Variants in IKBKB-DT observed in about 807,000 individuals in gnomAD.
IKBKB-DT encodes the protein IKBKB divergent transcript.
intron 3 of IKBKB-DT, among the ~76,000 whole-genome samples, chr8:42,262,288 A>T (rs13271575): frequency 2.0e-5 from 3 of 151,498 alleles, no homozygotes; most frequent in African/African-American, 7.3e-5. Flanking sequence ...ATAATAATAA[A>T]AAAAAAATAA....
At chr8:42,271,014 G>A (rs977524177) in exon 1 of IKBKB-DT, 46 of 222,066 alleles carry the variant, frequency 2.1e-4, no homozygotes, top group Non-Finnish European at 3.6e-4. Flanking sequence ...AGCCTAGGGG[G>A]CCGGGTGAAG....
chr8:42,250,205 G>C (rs1365041250), intron 3 of IKBKB-DT, among the ~76,000 whole-genome samples: 1 of 152,070 alleles, frequency 6.6e-6, no homozygotes, highest in Non-Finnish European at 1.5e-5. Context: ...CTGGTTGGTT[G>C]GTAATGCAAT....
At chr8:42,247,418 C>CT (rs1481711317) in intron 3 of IKBKB-DT, among the ~76,000 whole-genome samples, 1 of 152,192 alleles carries the variant, frequency 6.6e-6, no homozygotes, top group Non-Finnish European at 1.5e-5. Flanking sequence ...AAGTAACTAA[C>CT]TTGCTTTTGA....
chr8:42,241,005 G>A (rs1021777068), intron 3 of IKBKB-DT, among the ~76,000 whole-genome samples: 5 of 152,048 alleles, frequency 3.3e-5, no homozygotes, highest in African/African-American at 4.8e-5. Context: ...TTAGGACACC[G>A]ACAAAATGAA....
At chr8:42,268,573 ATT>A (rs951678473) in intron 1 of IKBKB-DT, among the ~76,000 whole-genome samples, 1 of 130,176 alleles carries the variant, frequency 7.7e-6, no homozygotes, top group Non-Finnish European at 1.7e-5. Context: ...ACCCGGCCAA[ATT>A]TTTTTTTTTG....
intron 3 of IKBKB-DT, among the ~76,000 whole-genome samples, chr8:42,248,882 A>C (rs925643539): frequency 9.9e-5 from 15 of 152,126 alleles, no homozygotes; most frequent in Middle Eastern, 3.4e-3. Flanking sequence ...AAAAAAAAAA[A>C]AAAACAAATA....
chr8:42,255,224 C>T (rs909916828), intron 3 of IKBKB-DT: 3 of 152,242 alleles, frequency 2.0e-5, no homozygotes, highest in Admixed American at 1.3e-4. Context: ...CCAAGTGTGA[C>T]GTGACAGCCT....
intron 3 of IKBKB-DT, among the ~76,000 whole-genome samples, chr8:42,241,601 A>C (rs567539992): frequency 6.6e-6 from 1 of 152,196 alleles, no homozygotes; most frequent in African/African-American, 2.4e-5. Flanking sequence ...ACAGAGGCCA[A>C]CGCTGAGATG....
intron 3 of IKBKB-DT, among the ~76,000 whole-genome samples, chr8:42,261,161 A>G (rs1394221687): frequency 6.6e-6 from 1 of 152,124 alleles, no homozygotes; most frequent in Non-Finnish European, 1.5e-5. Context: ...CCCCACCTCT[A>G]CAAAAAAATA....
In IKBKB-DT at chr8:42,267,040, GC is replaced by G. The variant is rs1209637287; in HGVS notation, n.604-645del. ...TTTTGAGGTGGAGTCTCGCTCTGTC[GC>G]CCAGGTTGGAGTACACTGGCGCGAT... On this transcript the variant is annotated intron_variant and non_coding_transcript_variant, in intron 1 of 3. Transcript: ENST00000518213. Among the ~76,000 whole-genome samples the G allele has an allele frequency of 2.1e-5, 3 of 139,794 alleles. No homozygotes were observed. The East Asian group carries it at 6.2e-4, about 29-fold the overall frequency. 91.7% of individuals were successfully genotyped at this position (139,794 alleles called of 152,430 possible). A position where few individuals can be genotyped will look rare whatever the true frequency, so the allele number is the denominator to read the frequency against.
chr8:42,245,115 C>A (rs1409950139), intron 3 of IKBKB-DT, among the ~76,000 whole-genome samples: 1 of 151,844 alleles, frequency 6.6e-6, no homozygotes, highest in Non-Finnish European at 1.5e-5. Context: ...ATTAGCCAGG[C>A]GTGGTGGCAC....
intron 3 of IKBKB-DT, among the ~76,000 whole-genome samples, chr8:42,244,307 GAGA>G (rs1205911440): frequency 6.6e-6 from 1 of 152,134 alleles, no homozygotes; most frequent in Non-Finnish European, 1.5e-5. Context: ...TCCTATTTGG[GAGA>G]AGAAGATCTT....
At chr8:42,245,939 G>A (rs900646445) in intron 3 of IKBKB-DT, among the ~76,000 whole-genome samples, 1 of 152,172 alleles carries the variant, frequency 6.6e-6, no homozygotes, top group African/African-American at 2.4e-5. Flanking sequence ...TCATAAACAG[G>A]GAAGTGGTTA....
intron 3 of IKBKB-DT, among the ~76,000 whole-genome samples, chr8:42,256,453 T>C (rs1021729239): frequency 1.3e-5 from 2 of 150,618 alleles, no homozygotes; most frequent in Non-Finnish European, 1.5e-5. Flanking sequence ...GCGCCTGTAA[T>C]CCAAGCTACT....
In IKBKB-DT at chr8:42,239,636, T is replaced by TATATATATATATCTATATATATATA. The variant is rs55662464; in HGVS notation, n.1530-5778_1530-5777insTATATATATATAGATATATATATAT. ...AATTTATATATATATATATATATAT[T>TATATATATATATCTATATATATATA]TATTTATTTATTCATTTTTTTTTTT... On this transcript the variant is annotated intron_variant and non_coding_transcript_variant, in intron 3 of 3. Coordinates refer to ENST00000518213, the Ensembl canonical transcript of IKBKB-DT. 7.1e-5 allele frequency among the ~76,000 whole-genome samples: 2 copies of TATATATATATATCTATATATATATA among 28,194 alleles called. 1 individual carries two copies. Among genetic ancestry groups the TATATATATATATCTATATATATATA allele is most frequent in the Non-Finnish European group, 1.4e-4 (2 of 14,152 alleles). 18.5% of individuals were successfully genotyped at this position (28,194 alleles called of 152,430 possible).
rs147869159 is a variant in IKBKB-DT, at chr8:42,247,987, G to T, written n.1530-14128C>A. On this transcript the variant is annotated intron_variant and non_coding_transcript_variant, in intron 3 of 3. Transcript: ENST00000518213. ...GGGCGCCTCTAATCCCAGCTACTCA[G>T]GAGGCTGAGGCAGAAGAATTGCTTG... Among the ~76,000 whole-genome samples, 958 of 152,022 alleles carry T rather than the reference G, an allele frequency of 6.3e-3. 2 individuals are homozygous for T. Among genetic ancestry groups the T allele is most frequent in the Non-Finnish European group, 0.01 (698 of 67,974 alleles).
At chr8:42,239,123 A>G (rs1806965360) in intron 3 of IKBKB-DT, among the ~76,000 whole-genome samples, 1 of 152,056 alleles carries the variant, frequency 6.6e-6, no homozygotes, top group Non-Finnish European at 1.5e-5. Context: ...AGAGGAAGCA[A>G]GCTAAAACAC....
At chr8:42,246,542 C>T (rs1320746350) in intron 3 of IKBKB-DT, among the ~76,000 whole-genome samples, 1 of 152,170 alleles carries the variant, frequency 6.6e-6, no homozygotes, top group East Asian at 1.9e-4. Context: ...TGAGATGTAG[C>T]AGGCCCCTAG....
At chr8:42,238,664 T>C (rs1806955945) in intron 3 of IKBKB-DT, among the ~76,000 whole-genome samples, 1 of 152,214 alleles carries the variant, frequency 6.6e-6, no homozygotes, top group Non-Finnish European at 1.5e-5. Context: ...ATCCTTGTTG[T>C]AGAACCTAAG....
Sources: allele counts gnomAD v4.1 joint callset (sites outside exome capture counted in the v4.1 genomes callset), GRCh38; gene constraint gnomAD v4.1.1; transcripts MANE v1.5; gene names NCBI Gene and HGNC (gene_info 2026-07-23, HGNC 2026-07-21).